The following LMO1 variants were observed in gnomAD, a reference collection of about 807,000 sequenced individuals.
LMO1 encodes LIM domain only 1.
Under a neutral mutation model 18.0 loss-of-function variants are expected in LMO1, and 10 were observed. The ratio of observed to expected loss-of-function variants is 0.55; its 90% CI spans 0.34 to 0.94. The LOEUF is 0.94. LMO1 is among the 40% of genes least tolerant of loss of function. LMO1 has a pLI of 0.02. For missense variants in LMO1, 183 were observed against 205.7 expected, an observed-to-expected ratio of 0.89 and a Z score of 0.68; for synonymous variants, 77 against 77.9, an observed-to-expected ratio of 0.99 and a Z score of 0.06.
At chr11:8,231,164 G>A (rs1219131935) in intron 1 of LMO1, among the ~76,000 whole-genome samples, 1 of 152,150 alleles carries the variant, frequency 6.6e-6, no homozygotes, top group Non-Finnish European at 1.5e-5. Flanking sequence ...CACCTGCCCT[G>A]GCCTGGGGGA....
intron 2 of LMO1, among the ~76,000 whole-genome samples, chr11:8,227,671 A>C (rs1466995163): frequency 6.6e-6 from 1 of 152,188 alleles, no homozygotes; most frequent in African/African-American, 2.4e-5. Flanking sequence ...CTTAATCCTC[A>C]CAACAAACCT....
intron 1 of LMO1, among the ~76,000 whole-genome samples, chr11:8,250,193 A>G (rs1590552834): frequency 1.3e-5 from 2 of 152,288 alleles, no homozygotes; most frequent in East Asian, 3.9e-4. Context: ...CTTTTCTGGC[A>G]ATTATTTCTA....
intron 1 of LMO1, among the ~76,000 whole-genome samples, chr11:8,254,350 G>C (rs1051908833): frequency 6.6e-6 from 1 of 152,140 alleles, no homozygotes; most frequent in Non-Finnish European, 1.5e-5. Flanking sequence ...CTGATAGATC[G>C]CTGGCTTGTA....
intron 1 of LMO1, among the ~76,000 whole-genome samples, chr11:8,261,334 C>A (rs1847183022): frequency 6.6e-6 from 1 of 152,208 alleles, no homozygotes; most frequent in Non-Finnish European, 1.5e-5. Flanking sequence ...TTGAGGTACA[C>A]TGCAATTTGG....
At chr11:8,242,587 CCT>C (rs1322252516) in intron 1 of LMO1, among the ~76,000 whole-genome samples, 3 of 152,334 alleles carry the variant, frequency 2.0e-5, no homozygotes, top group African/African-American at 4.8e-5. Context: ...GGAGCCAGCC[CCT>C]GTGTTCCTTA....
intron 2 of LMO1, among the ~76,000 whole-genome samples, chr11:8,228,388 A>C (rs1952588009): frequency 6.6e-6 from 1 of 152,236 alleles, no homozygotes; most frequent in South Asian, 2.1e-4. Flanking sequence ...GTCCAGCTCA[A>C]ACTCAGGCGC....
At chr11:8,237,613 C>G (rs1374664005) in intron 1 of LMO1, among the ~76,000 whole-genome samples, 2 of 152,378 alleles carry the variant, frequency 1.3e-5, no homozygotes, top group Admixed American at 6.5e-5. Context: ...TCTGCACACC[C>G]TCTTGCAGGC....
chr11:8,252,520 A>G (rs1015580181), intron 1 of LMO1, among the ~76,000 whole-genome samples: 3 of 152,238 alleles, frequency 2.0e-5, no homozygotes, highest in African/African-American at 7.2e-5. Flanking sequence ...GCTTGCTCCC[A>G]AGGAAGGAAA....
chr11:8,261,171 G>C (rs1847180390), intron 1 of LMO1, among the ~76,000 whole-genome samples: 1 of 152,168 alleles, frequency 6.6e-6, no homozygotes, highest in African/African-American at 2.4e-5. Flanking sequence ...GACACCAGTG[G>C]ATGTGCTTGT....
chr11:8,251,173 T>C (rs1378784305), intron 1 of LMO1, among the ~76,000 whole-genome samples: 1 of 152,062 alleles, frequency 6.6e-6, no homozygotes, highest in Non-Finnish European at 1.5e-5. Context: ...CACCACAAGG[T>C]ATGAAGCCAG....
At chr11:8,253,970 T>C (rs1353537819) in intron 1 of LMO1, among the ~76,000 whole-genome samples, 3 of 152,194 alleles carry the variant, frequency 2.0e-5, no homozygotes, top group East Asian at 1.9e-4. Context: ...CAGACTGTAA[T>C]ATTTTGCTAA....
intron 1 of LMO1, among the ~76,000 whole-genome samples, chr11:8,251,513 C>A (rs1052512674): frequency 2.6e-5 from 4 of 152,336 alleles, no homozygotes; most frequent in African/African-American, 9.6e-5. Flanking sequence ...CCACCCTCAC[C>A]TCCTCTGCGG....
chr11:8,258,019 T>C (rs1002233481), intron 1 of LMO1, among the ~76,000 whole-genome samples: 13 of 152,222 alleles, frequency 8.5e-5, no homozygotes, highest in Admixed American at 3.3e-4. Flanking sequence ...CTGTTCTCAC[T>C]GTAGAGACGA....
At chr11:8,260,821 C>G (rs1439121855) in intron 1 of LMO1, among the ~76,000 whole-genome samples, 1 of 152,066 alleles carries the variant, frequency 6.6e-6, no homozygotes, top group Admixed American at 6.5e-5. Flanking sequence ...AATAGCAGCC[C>G]TGAGTCCCTG....
intron 1 of LMO1, among the ~76,000 whole-genome samples, chr11:8,261,941 C>T (rs1483773216): frequency 2.6e-5 from 4 of 152,266 alleles, no homozygotes; most frequent in African/African-American, 4.8e-5. Context: ...TACACACATA[C>T]TGAGAGCCAC....
intron 1 of LMO1, among the ~76,000 whole-genome samples, chr11:8,239,239 G>A (rs926240592): frequency 2.0e-5 from 3 of 152,204 alleles, no homozygotes; most frequent in African/African-American, 7.2e-5. Context: ...TGGTGCTGGG[G>A]TGGGGGCTGG....
intron 3 of LMO1, among the ~76,000 whole-genome samples, chr11:8,226,071 C>G (rs1952534220): frequency 6.6e-6 from 1 of 152,224 alleles, no homozygotes; most frequent in South Asian, 2.1e-4. Flanking sequence ...AGTGGCCACT[C>G]CCTGAGGGGA....
chr11:8,263,861 C>T lies in LMO1; in HGVS notation c.-499G>A. Reference sequence around the variant, plus strand: ...GAATCTCGTGGCCGTCTCCCGCTGCCTTTCTCCCTCAATGTATGAGGTTTG... The same window carrying T: ...GAATCTCGTGGCCGTCTCCCGCTGCTTTTCTCCCTCAATGTATGAGGTTTG... On this transcript the variant is annotated 5_prime_UTR_variant, in exon 1 of 4. Transcript: ENST00000335790. 9.6e-7 allele frequency: 1 copy of T among 1,040,620 alleles called. No individual in the cohort carries two copies. The highest frequency in any genetic ancestry group is 1.2e-6 in the Non-Finnish European group (1 of 865,936). The allele number at this position is 1,040,620 out of a possible 1,614,324, so 64.5% of individuals were successfully genotyped here.
intron 1 of LMO1, among the ~76,000 whole-genome samples, chr11:8,231,196 A>C (rs893858349): frequency 6.6e-6 from 1 of 152,128 alleles, no homozygotes; most frequent in Non-Finnish European, 1.5e-5. Flanking sequence ...GAGCCTCTGG[A>C]TCCTTCCTCA....
Sources: allele counts gnomAD v4.1 joint callset (sites outside exome capture counted in the v4.1 genomes callset), GRCh38; gene constraint gnomAD v4.1.1; transcripts MANE v1.5; gene names NCBI Gene and HGNC (gene_info 2026-07-23, HGNC 2026-07-21).